The following TBC1D1 variants were observed in gnomAD, a reference collection of about 807,000 sequenced individuals.
TBC1D1 encodes the protein TBC1 (tre-2/USP6, BUB2, cdc16) domain family, member 1.
A neutral mutation model predicts 125.6 loss-of-function variants in TBC1D1; 89 were observed. The ratio of observed to expected loss-of-function variants is 0.71; its 90% CI spans 0.60 to 0.85. TBC1D1 has a LOEUF of 0.85. Among genes scored for constraint, TBC1D1 ranks in the 40% least tolerant of loss-of-function variants. TBC1D1 has a pLI of 0.00. For missense variants in TBC1D1, 1,377 were observed against 1,469.2 expected, an observed-to-expected ratio of 0.94 and a Z score of 1.03; for synonymous variants, 565 against 564.1, an observed-to-expected ratio of 1.00 and a Z score of -0.02.
intron 7 of TBC1D1, 55 bp downstream of exon 7, chr4:38,027,934 G>A: frequency 7.5e-7 from 1 of 1,334,612 alleles, no homozygotes; most frequent in Non-Finnish European, 1.0e-6. Context: ...AGCTTACCTG[G>A]GAAATGCTAT....
intron 12 of TBC1D1, among the ~76,000 whole-genome samples, chr4:38,087,713 A>G (rs1024998150): frequency 6.6e-6 from 1 of 151,626 alleles, no homozygotes; most frequent in Non-Finnish European, 1.5e-5. Context: ...ATGGTGGCGC[A>G]TGCCTGTAAT....
chr4:38,027,819 G>T lies in TBC1D1; in HGVS notation c.1242G>T (p.Leu414=), dbSNP rs1257590504. ...ATTCTTCCAAAACAAAACTAGAACT[G>T]CAAAAGCACCTGACGACATTAACCA... The change falls in exon 7 of 20, where the codon CTG becomes CTT. Residue 414 remains leucine, a synonymous_variant. Transcript: ENST00000261439. 2 of 1,613,192 alleles carry T rather than the reference G, an allele frequency of 1.2e-6. No homozygotes were observed. Among genetic ancestry groups the T allele is most frequent in the Non-Finnish European group, 1.7e-6 (2 of 1,179,696 alleles).
chr4:38,051,473 G>C (rs769687096), intron 11 of TBC1D1, among the ~76,000 whole-genome samples: 44 of 151,952 alleles, frequency 2.9e-4, no homozygotes, highest in Non-Finnish European at 5.0e-4. Flanking sequence ...AAAGAAAATA[G>C]AGAAAGAAAT....
At chr4:37,990,403 G>A (rs961869893) in intron 2 of TBC1D1, among the ~76,000 whole-genome samples, 6 of 151,964 alleles carry the variant, frequency 3.9e-5, no homozygotes, top group African/African-American at 1.5e-4. Context: ...GTGTGGCCCA[G>A]GGAAGCCAAA....
At chr4:38,064,233 A>G (rs1331375585) in intron 12 of TBC1D1, among the ~76,000 whole-genome samples, 3 of 152,226 alleles carry the variant, frequency 2.0e-5, no homozygotes, top group African/African-American at 7.2e-5. Flanking sequence ...ATCCTTTACC[A>G]GTCGAGAGGC....
At chr4:38,059,800 G>A (rs973913585) in intron 12 of TBC1D1, among the ~76,000 whole-genome samples, 3 of 152,180 alleles carry the variant, frequency 2.0e-5, no homozygotes, top group African/African-American at 7.2e-5. Context: ...TGCCATGGTG[G>A]TTTGCTGTAC....
chr4:37,941,098 G>A (rs1158264811), intron 2 of TBC1D1, among the ~76,000 whole-genome samples: 1 of 152,178 alleles, frequency 6.6e-6, no homozygotes, highest in Non-Finnish European at 1.5e-5. Flanking sequence ...AGAAGGAATG[G>A]TACCAGCTCC....
At chr4:38,058,918 G>A (rs1752252011) in intron 12 of TBC1D1, among the ~76,000 whole-genome samples, 1 of 152,174 alleles carries the variant, frequency 6.6e-6, no homozygotes. Flanking sequence ...TAAATATAGT[G>A]TAAAAAGAGA....
chr4:38,092,602 G>A (rs374851167), intron 13 of TBC1D1, among the ~76,000 whole-genome samples: 5 of 151,848 alleles, frequency 3.3e-5, no homozygotes, highest in Admixed American at 2.0e-4. Context: ...AGGTGTGGTT[G>A]TGCACACCTG....
chr4:38,113,637 A>C (rs1762519683), intron 15 of TBC1D1, among the ~76,000 whole-genome samples: 1 of 152,184 alleles, frequency 6.6e-6, no homozygotes, highest in African/African-American at 2.4e-5. Context: ...AGAAGTGGGG[A>C]AGTGCTCCAT....
intron 2 of TBC1D1, among the ~76,000 whole-genome samples, chr4:37,919,897 G>A (rs1720563023): frequency 6.6e-6 from 1 of 152,150 alleles, no homozygotes; most frequent in East Asian, 1.9e-4. Flanking sequence ...CGGATCATGA[G>A]GTCAGGAGAT....
In TBC1D1 at chr4:37,977,441, C is replaced by A; in HGVS notation, c.418-37068C>A. 3.1e-6 allele frequency: 3 copies of A among 976,506 alleles called. No homozygotes were observed. The highest frequency in any genetic ancestry group is 1.8e-5 in the African/African-American group (1 of 56,452). The allele number at this position is 976,506 out of a possible 1,614,324, so 60.5% of individuals were successfully genotyped here. On this transcript the variant is annotated intron_variant, in intron 2 of 19. Transcript: ENST00000261439. The surrounding 1 kb of genome is among the most constrained non-coding windows in gnomAD (Gnocchi z 4.3). ...CCGCCCCCGGCCGCCCGCGGGCCCACGGGCCGGCGGCGGGAGTGAGCGGGA... is the reference window on the plus strand; with the variant it reads ...CCGCCCCCGGCCGCCCGCGGGCCCAAGGGCCGGCGGCGGGAGTGAGCGGGA...
intron 2 of TBC1D1, chr4:37,952,249 A>C: frequency 1.8e-6 from 1 of 569,526 alleles, no homozygotes; most frequent in East Asian, 2.9e-5. Flanking sequence ...CGGAAATCAC[A>C]GGCTAGATTT....
At chr4:37,999,372 T>A (rs919978966) in intron 2 of TBC1D1, among the ~76,000 whole-genome samples, 3 of 152,208 alleles carry the variant, frequency 2.0e-5, no homozygotes, top group Admixed American at 6.5e-5. Flanking sequence ...TAAATATATT[T>A]AATCGAAGTG....
At chr4:38,095,896 T>G (rs762086453) in intron 13 of TBC1D1, 33 bp from the exon 16 acceptor site, 29 of 1,582,006 alleles carry the variant, frequency 1.8e-5, no homozygotes, top group Non-Finnish European at 3.4e-6. Context: ...AGCTGTAGCC[T>G]TTACTAATGC....
intron 15 of TBC1D1, among the ~76,000 whole-genome samples, chr4:38,109,426 G>A (rs1223913706): frequency 6.6e-6 from 1 of 152,138 alleles, no homozygotes; most frequent in Non-Finnish European, 1.5e-5. Context: ...CTTTCACAGA[G>A]GTCTGGAATC....
chr4:38,093,255 G>A (rs561260564), intron 13 of TBC1D1, among the ~76,000 whole-genome samples: 166 of 152,276 alleles, frequency 1.1e-3, no homozygotes, highest in African/African-American at 3.7e-3. Context: ...TTAGAAGGAT[G>A]TGTATGAGGA....
intron 1 of TBC1D1, among the ~76,000 whole-genome samples, chr4:37,899,033 T>G (rs545567232): frequency 6.6e-6 from 1 of 152,254 alleles, no homozygotes; most frequent in East Asian, 1.9e-4. Context: ...TATGGGGGAA[T>G]TATTAGAGAA....
intron 2 of TBC1D1, among the ~76,000 whole-genome samples, chr4:37,914,945 G>A (rs1481057598): frequency 6.6e-6 from 1 of 152,178 alleles, no homozygotes; most frequent in East Asian, 1.9e-4. Flanking sequence ...CAGTTTTAAT[G>A]CCTTCATATT....
Sources: gnomAD v4.1 joint callset for allele counts (sites outside exome capture counted in the v4.1 genomes callset) on GRCh38, gnomAD v4.1.1 for gene constraint, Gnocchi (gnomAD v3.1) non-coding constraint, MANE v1.5 for transcripts, NCBI Gene and HGNC (gene_info 2026-07-23, HGNC 2026-07-21) for gene names.